The following ERBB4 variants were observed in gnomAD, a reference collection of about 807,000 sequenced individuals.
ERBB4 encodes the protein erb-b2 receptor tyrosine kinase 4, also known as receptor tyrosine-protein kinase erbB-4.
ERBB4 carries 42 observed loss-of-function variants against 158.0 expected under a neutral mutation model. The ratio of observed to expected loss-of-function variants is 0.27; its 90% CI spans 0.21 to 0.34. The LOEUF is 0.34. Ranked by LOEUF, ERBB4 falls within the 10% of genes least tolerant of loss-of-function variation. The pLI, the probability that ERBB4 is intolerant of heterozygous loss-of-function variation, is 1.00. For missense variants in ERBB4, 1,333 were observed against 1,624.1 expected, an observed-to-expected ratio of 0.82 and a Z score of 3.08; for synonymous variants, 583 against 558.7, an observed-to-expected ratio of 1.04 and a Z score of -0.61.
intron 2 of ERBB4, among the ~76,000 whole-genome samples, chr2:212,055,300 A>C (rs545875045): frequency 6.6e-6 from 1 of 152,208 alleles, no homozygotes; most frequent in Non-Finnish European, 1.5e-5. Context: ...AGCGGCCAGG[A>C]AGCTCGAACT....
intron 2 of ERBB4, among the ~76,000 whole-genome samples, chr2:212,054,905 C>T (rs911509587): frequency 6.6e-6 from 1 of 152,146 alleles, no homozygotes; most frequent in East Asian, 1.9e-4. Flanking sequence ...TCTGCATTTC[C>T]AAATGAGGTA....
chr2:211,392,919 T>C (rs1409377414), intron 25 of ERBB4, among the ~76,000 whole-genome samples: 1 of 152,104 alleles, frequency 6.6e-6, no homozygotes, highest in Non-Finnish European at 1.5e-5. Context: ...CCTCCCAAAG[T>C]GCTGGGATTA....
chr2:211,818,599 A>G lies in ERBB4; in HGVS notation c.422-30440T>C, dbSNP rs376999656. ...AAGTACTTAAAGGGAGCACAAAATA[A>G]GGCAGTTTTTCACTTAATAAAGGAT... On this transcript the variant is annotated intron_variant, in intron 3 of 27. Coordinates refer to ENST00000342788, the MANE Select transcript of ERBB4 (RefSeq NM_005235.3). 3.0e-4 allele frequency among the ~76,000 whole-genome samples: 45 copies of G among 152,282 alleles called. 2 individuals are homozygous for G. In the South Asian group the frequency reaches 9.3e-3, roughly 32 times the overall value.
At chr2:212,483,861 C>T (rs1465718190) in intron 1 of ERBB4, among the ~76,000 whole-genome samples, 8 of 152,236 alleles carry the variant, frequency 5.3e-5, no homozygotes, top group South Asian at 4.1e-4. Flanking sequence ...CTCAGCCTCC[C>T]GAGTAGCTGG....
At chr2:212,260,911 T>C (rs771208894) in intron 1 of ERBB4, among the ~76,000 whole-genome samples, 1 of 152,184 alleles carries the variant, frequency 6.6e-6, no homozygotes, top group Non-Finnish European at 1.5e-5. Context: ...GAAATTATTA[T>C]TCTGAAAGAA....
chr2:212,414,869 G>A (rs2091607799), intron 1 of ERBB4, among the ~76,000 whole-genome samples: 1 of 152,102 alleles, frequency 6.6e-6, no homozygotes, highest in African/African-American at 2.4e-5. Context: ...ACAATAAATG[G>A]CTACACGCAC....
At chr2:211,696,364 G>A (rs574516981) in intron 12 of ERBB4, among the ~76,000 whole-genome samples, 76 of 152,176 alleles carry the variant, frequency 5.0e-4, no homozygotes, top group African/African-American at 1.7e-3. Flanking sequence ...GCCCACCTCG[G>A]CCTCCCAAAG....
At chr2:212,227,379 T>C (rs956024658) in intron 1 of ERBB4, among the ~76,000 whole-genome samples, 4 of 152,148 alleles carry the variant, frequency 2.6e-5, no homozygotes, top group East Asian at 3.9e-4. Context: ...AAAGTCATGA[T>C]TCCCACATCC....
intron 19 of ERBB4, among the ~76,000 whole-genome samples, chr2:211,567,390 A>C (rs1233844637): frequency 6.6e-6 from 1 of 152,192 alleles, no homozygotes; most frequent in Non-Finnish European, 1.5e-5. Flanking sequence ...GAAGGAACTA[A>C]AATCAAACAA....
chr2:212,189,876 A>G (rs1335397136), intron 1 of ERBB4, among the ~76,000 whole-genome samples: 1 of 152,174 alleles, frequency 6.6e-6, no homozygotes, highest in Non-Finnish European at 1.5e-5. Context: ...AATTATGCTC[A>G]CAAGGACCAA....
chr2:211,569,224 C>T (rs2067641676), intron 19 of ERBB4, among the ~76,000 whole-genome samples: 1 of 152,206 alleles, frequency 6.6e-6, no homozygotes. Flanking sequence ...TCATTGAAGA[C>T]CTTTTGAAGA....
chr2:212,075,685 T>C (rs534035593), intron 2 of ERBB4, among the ~76,000 whole-genome samples: 58 of 152,028 alleles, frequency 3.8e-4, no homozygotes, highest in Middle Eastern at 3.4e-3. Flanking sequence ...ATTGGTTGGT[T>C]TTATATAATA....
chr2:211,657,555 G>C, intron 16 of ERBB4, 199 bp downstream of exon 16: 1 of 582,104 alleles, frequency 1.7e-6, no homozygotes, highest in Non-Finnish European at 3.1e-6. Context: ...TGGGACTCTT[G>C]TATCACAATG....
chr2:211,845,493 CAGTT>C (rs1226817177), intron 3 of ERBB4, among the ~76,000 whole-genome samples: 2 of 152,128 alleles, frequency 1.3e-5, no homozygotes, highest in African/African-American at 2.4e-5. Flanking sequence ...CCAGCTAACA[CAGTT>C]AGCAGTGGCT....
chr2:212,288,362 T>C (rs1574606889), intron 1 of ERBB4, among the ~76,000 whole-genome samples: 1 of 152,052 alleles, frequency 6.6e-6, no homozygotes, highest in African/African-American at 2.4e-5. Flanking sequence ...CTAAGGAAAA[T>C]GTTAGTGTGC....
Position 212,348,607 on chromosome 2 carries a change from T to C in ERBB4, c.82+189842A>G, listed in dbSNP as rs115399843. Among the ~76,000 whole-genome samples, 994 of 152,152 alleles carry C rather than the reference T, an allele frequency of 6.5e-3. 13 individuals carry two copies. The highest frequency in any genetic ancestry group is 0.023 in the African/African-American group (953 of 41,548). ...AAAAAATTATTTCTAAAAATAAAAA[T>C]GTAAAAATAGAAGAAAGTAAACATC... On this transcript the variant is annotated intron_variant, in intron 1 of 27. Coordinates refer to ENST00000342788, the MANE Select transcript of ERBB4 (RefSeq NM_005235.3).
intron 3 of ERBB4, among the ~76,000 whole-genome samples, chr2:211,907,192 A>G (rs936279642): frequency 6.6e-6 from 1 of 151,830 alleles, no homozygotes; most frequent in African/African-American, 2.4e-5. Flanking sequence ...TAAGAAAAAT[A>G]TATTGACAAG....
At chr2:211,653,805 G>T (rs2071103053) in intron 16 of ERBB4, among the ~76,000 whole-genome samples, 1 of 151,878 alleles carries the variant, frequency 6.6e-6, no homozygotes, top group South Asian at 2.1e-4. Flanking sequence ...CTCTTGAGTA[G>T]CTGGGACTAC....
At chr2:211,404,895 T>G (rs1315947093) in intron 25 of ERBB4, among the ~76,000 whole-genome samples, 1 of 152,096 alleles carries the variant, frequency 6.6e-6, no homozygotes, top group Middle Eastern at 3.2e-3. Context: ...GAAATCTGGA[T>G]GTGAGTTATT....
Sources: gnomAD v4.1 joint callset for allele counts (sites outside exome capture counted in the v4.1 genomes callset) on GRCh38, gnomAD v4.1.1 for gene constraint, MANE v1.5 for transcripts, NCBI Gene and HGNC (gene_info 2026-07-23, HGNC 2026-07-21) for gene names.